Variants in TLN2 observed in about 807,000 individuals in gnomAD.
TLN2 encodes talin-2.
Under a neutral mutation model 294.7 loss-of-function variants are expected in TLN2, and 118 were observed. The ratio of observed to expected loss-of-function variants is 0.40; its 90% CI spans 0.34 to 0.47. The LOEUF (loss-of-function observed/expected upper bound fraction) is 0.47, where lower values mean the gene tolerates loss of function less well. Ranked by LOEUF, TLN2 falls within the 20% of genes least tolerant of loss-of-function variation. The pLI, the probability that TLN2 is intolerant of heterozygous loss-of-function variation, is 0.84. For missense variants in TLN2, 3,083 were observed against 3,282.2 expected, an observed-to-expected ratio of 0.94 and a Z score of 1.48; for synonymous variants, 1,431 against 1,304.5, an observed-to-expected ratio of 1.10 and a Z score of -2.09.
intron 1 of TLN2, among the ~76,000 whole-genome samples, chr15:62,585,903 CT>C (rs950184490): frequency 5.7e-4 from 87 of 152,326 alleles, no homozygotes; most frequent in African/African-American, 2.0e-3. Context: ...ATGGCACCCC[CT>C]GAGCTGGAGC....
At chr15:62,466,370 T>C (rs1456252662) in intron 1 of TLN2, among the ~76,000 whole-genome samples, 1 of 152,180 alleles carries the variant, frequency 6.6e-6, no homozygotes, top group Non-Finnish European at 1.5e-5. Context: ...CTGTTGCCGT[T>C]TGGGGCTGGA....
intron 1 of TLN2, among the ~76,000 whole-genome samples, chr15:62,457,931 A>G (rs1156668603): frequency 6.6e-6 from 1 of 152,174 alleles, no homozygotes; most frequent in African/African-American, 2.4e-5. Flanking sequence ...TTTACCTTGT[A>G]TAATTAGCCA....
intron 1 of TLN2, among the ~76,000 whole-genome samples, chr15:62,403,235 GAAA>G (rs11413710): frequency 6.7e-6 from 1 of 149,210 alleles, no homozygotes; most frequent in East Asian, 2.0e-4. Context: ...AAAAAGAGAG[GAAA>G]AAAAAAAACA....
chr15:62,707,070 G>T lies in TLN2; in HGVS notation c.2005-16G>T. 6.3e-7 allele frequency: 1 copy of T among 1,598,508 alleles called. No homozygotes were observed. The highest frequency in any genetic ancestry group is 1.1e-5 in the South Asian group (1 of 89,142). On this transcript the variant is annotated splice_polypyrimidine_tract_variant and intron_variant, in intron 19 of 58. Transcript: ENST00000636159. Reference sequence around the variant, plus strand: ...AGAGAAAAATAAATGAATAGTCTTTGATTCCCTTTTCTTAGGATGTTTTAA... The same window carrying T: ...AGAGAAAAATAAATGAATAGTCTTTTATTCCCTTTTCTTAGGATGTTTTAA...
At chr15:62,647,197 C>T in intron 3 of TLN2, 78 bp from the exon 4 acceptor site, 37 of 1,331,644 alleles carry the variant, frequency 2.8e-5, no homozygotes, top group South Asian at 1.2e-4. Flanking sequence ...TTTTAAAGTC[C>T]AGCACTTTTT....
At chr15:62,771,474 G>A (rs1345379169) in intron 42 of TLN2, among the ~76,000 whole-genome samples, 1 of 152,156 alleles carries the variant, frequency 6.6e-6, no homozygotes, top group African/African-American at 2.4e-5. Flanking sequence ...ATGTTCTATT[G>A]TGCTCCAGTA....
Position 62,467,721 on chromosome 15 carries a change from T to C in TLN2, c.-238+77036T>C, listed in dbSNP as rs560401786. 2.0e-5 allele frequency among the ~76,000 whole-genome samples: 3 copies of C among 152,158 alleles called. No homozygotes were observed. The East Asian group carries it at 5.8e-4, about 29-fold the overall frequency. On this transcript the variant is annotated intron_variant, in intron 1 of 58. Transcript: ENST00000636159. ...TAGTGTGAAAAAAAGCATGCACATA[T>C]TGAATAATTGCAAAATTTGCATGAC...
chr15:62,640,671 T>G (rs144707858), intron 3 of TLN2, among the ~76,000 whole-genome samples: 6 of 152,314 alleles, frequency 3.9e-5, no homozygotes, highest in Non-Finnish European at 5.9e-5. Context: ...CTAGGTGCTA[T>G]AGGAGTTAGC....
intron 1 of TLN2, among the ~76,000 whole-genome samples, chr15:62,474,091 A>G (rs1050283359): frequency 6.6e-6 from 1 of 152,214 alleles, no homozygotes; most frequent in East Asian, 1.9e-4. Context: ...GAAAGTCTGT[A>G]CTAAAAACAA....
chr15:62,715,766 C>T (rs1376709594), intron 22 of TLN2, among the ~76,000 whole-genome samples: 2 of 152,178 alleles, frequency 1.3e-5, no homozygotes, highest in Non-Finnish European at 2.9e-5. Context: ...AACTCTGTCT[C>T]TCTAGGAATG....
At chr15:62,397,030 G>A (rs1488938893) in intron 1 of TLN2, among the ~76,000 whole-genome samples, 1 of 152,142 alleles carries the variant, frequency 6.6e-6, no homozygotes, top group African/African-American at 2.4e-5. Context: ...GATAGCAGCA[G>A]CATCTCCTCA....
intron 1 of TLN2, among the ~76,000 whole-genome samples, chr15:62,500,881 C>A (rs929923356): frequency 1.3e-5 from 2 of 152,224 alleles, no homozygotes; most frequent in Non-Finnish European, 2.9e-5. Flanking sequence ...TTCTCCCAGG[C>A]TGCTCTTGGC....
At chr15:62,499,839 G>C (rs1345602277) in intron 1 of TLN2, among the ~76,000 whole-genome samples, 2 of 152,012 alleles carry the variant, frequency 1.3e-5, no homozygotes, top group Admixed American at 1.3e-4. Context: ...CCGACCTCAG[G>C]TGATCTGCCC....
intron 2 of TLN2, among the ~76,000 whole-genome samples, chr15:62,601,983 A>C (rs563259660): frequency 6.6e-6 from 1 of 152,180 alleles, no homozygotes; most frequent in African/African-American, 2.4e-5. Context: ...GGTGAGATCA[A>C]ATGTTACAGG....
chr15:62,550,857 G>T (rs763295571), intron 1 of TLN2, among the ~76,000 whole-genome samples: 3 of 152,138 alleles, frequency 2.0e-5, no homozygotes, highest in Non-Finnish European at 4.4e-5. Context: ...CTGGACCAGG[G>T]TCTGCAGGAA....
chr15:62,722,200 T>G (rs897992687), intron 25 of TLN2, among the ~76,000 whole-genome samples, 153 bp from the exon 26 acceptor site: 1 of 152,134 alleles, frequency 6.6e-6, no homozygotes, highest in African/African-American at 2.4e-5. Context: ...TGGCTTGAGG[T>G]GGCAGTTTGG....
chr15:62,692,995 G>A, intron 13 of TLN2, 54 bp downstream of exon 13: 1 of 1,494,514 alleles, frequency 6.7e-7, no homozygotes, highest in Non-Finnish European at 9.2e-7. Flanking sequence ...TAAAAGGCTT[G>A]GTTTCGATGA....
chr15:62,762,209 G>T, intron 38 of TLN2, 63 bp from the exon 39 acceptor site: 1 of 1,580,676 alleles, frequency 6.3e-7, no homozygotes, highest in Non-Finnish European at 8.7e-7. Flanking sequence ...GGACCTTTCA[G>T]GGCCCACGTC....
chr15:62,781,553 G>A lies in TLN2; in HGVS notation c.5616+312G>A, dbSNP rs1040227577. Among the ~76,000 whole-genome samples, 4 of 152,196 alleles carry A rather than the reference G, an allele frequency of 2.6e-5. No individual in the cohort carries two copies. In the East Asian group the frequency reaches 7.7e-4, roughly 29 times the overall value. On this transcript the variant is annotated intron_variant, in intron 44 of 58. Transcript: ENST00000636159. ...AGACGGGGAAAGCAAGGAATTTGTA[G>A]TTAAGGAGAAAGGGGGAGAATCTTA...
Sources: gnomAD v4.1 joint callset for allele counts (sites outside exome capture counted in the v4.1 genomes callset) on GRCh38, gnomAD v4.1.1 for gene constraint, MANE v1.5 for transcripts, NCBI Gene and HGNC (gene_info 2026-07-23, HGNC 2026-07-21) for gene names.